GARS1: variants seen among roughly 807,000 people sequenced by gnomAD.
GARS1 encodes glycine--tRNA ligase.
In GARS1, 46 loss-of-function variants were observed where a neutral mutation model predicts 86.4. The ratio of observed to expected loss-of-function variants is 0.53; its 90% confidence interval spans 0.42 to 0.68. The LOEUF (loss-of-function observed/expected upper bound fraction) is 0.68, where lower values mean the gene tolerates loss of function less well. Among genes scored for constraint, GARS1 ranks in the 30% least tolerant of loss-of-function variants. GARS1 has a pLI of 0.00. For synonymous variants in GARS1, 342 were observed against 329.8 expected, an observed-to-expected ratio of 1.04 and a Z score of -0.40; for missense variants, 797 against 915.6, an observed-to-expected ratio of 0.87 and a Z score of 1.67.
At chr7:30,618,390 T>G (rs1425831443) in intron 10 of GARS1, among the ~76,000 whole-genome samples, 2 of 152,098 alleles carry the variant, frequency 1.3e-5, no homozygotes, top group African/African-American at 4.8e-5. Context: ...TCCTAGCACT[T>G]TGGGAGGCCG....
intron 1 of GARS1, among the ~76,000 whole-genome samples, chr7:30,597,195 T>A (rs1791270255): frequency 6.6e-6 from 1 of 152,216 alleles, no homozygotes; most frequent in South Asian, 2.1e-4. Flanking sequence ...TGATAGTATT[T>A]GGATAATCTG....
chr7:30,617,271 C>T lies in GARS1; in HGVS notation c.1352C>T (p.Thr451Ile), dbSNP rs1359618467. Residue 451 changes from threonine to isoleucine, a missense_variant, in exon 10 of 17, where the codon ACA becomes ATA. This residue lies in a region of GARS1 where 598 missense variants were observed against 738.7 expected (regional missense o/e 0.81). Transcript: ENST00000389266. ...GACTGTTGGGATGCAGAATCCAAAA[C>T]ATCCTACGTAAGTGGAGTGCTGTTT... ...ACDCWDAESK[T>I]SYGWIEIVGC... 1.2e-6 allele frequency: 2 copies of T among 1,613,810 alleles called. No homozygotes were observed. The highest frequency in any genetic ancestry group is 1.7e-5 in the Admixed American group (1 of 59,990).
chr7:30,598,017 C>G (rs1391481949), intron 1 of GARS1, among the ~76,000 whole-genome samples: 1 of 152,070 alleles, frequency 6.6e-6, no homozygotes, highest in East Asian at 1.9e-4. Flanking sequence ...AAAATTCCAA[C>G]TGTAAAGAGA....
chr7:30,602,894 A>G (rs1381003120), intron 4 of GARS1, 140 bp from the exon 5 acceptor site: 4 of 717,344 alleles, frequency 5.6e-6, no homozygotes, highest in Non-Finnish European at 1.0e-5. Flanking sequence ...CATTACTGTC[A>G]TGGATACATC....
chr7:30,601,817 C>T (rs1031446149), intron 4 of GARS1, among the ~76,000 whole-genome samples: 7 of 152,088 alleles, frequency 4.6e-5, no homozygotes, highest in African/African-American at 1.4e-4. Context: ...CTTGCTCTGT[C>T]GCCCAAGCTG....
chr7:30,627,653 A>G (rs945319746), intron 13 of GARS1, among the ~76,000 whole-genome samples: 3 of 152,164 alleles, frequency 2.0e-5, no homozygotes, highest in African/African-American at 7.2e-5. Flanking sequence ...AGCCCCTGTA[A>G]GATGTCTTTG....
chr7:30,629,791 G>A (rs1783200828), intron 14 of GARS1, among the ~76,000 whole-genome samples: 3 of 152,206 alleles, frequency 2.0e-5, no homozygotes, highest in Admixed American at 2.0e-4. Context: ...CTAGGCCCCA[G>A]GTGCGCAAAC....
At chr7:30,625,057 C>T (rs964647587) in intron 12 of GARS1, among the ~76,000 whole-genome samples, 1 of 152,166 alleles carries the variant, frequency 6.6e-6, no homozygotes, top group Admixed American at 6.5e-5. Flanking sequence ...ATTCTCCTGC[C>T]TCAGCCTCCC....
At chr7:30,624,879 C>T (rs1162440210) in intron 12 of GARS1, among the ~76,000 whole-genome samples, 2 of 152,184 alleles carry the variant, frequency 1.3e-5, no homozygotes, top group African/African-American at 4.8e-5. Context: ...AGTTAAATAT[C>T]ATTATCCATA....
chr7:30,618,620 T>A (rs1168740391), intron 10 of GARS1, among the ~76,000 whole-genome samples: 1 of 152,070 alleles, frequency 6.6e-6, no homozygotes, highest in Non-Finnish European at 1.5e-5. Flanking sequence ...GGTGACAGAG[T>A]GAGGCCCTGT....
rs1182314295 is a variant in GARS1 at position 30,631,544 on chromosome 7, A to T, written c.1903+3A>T. 5 of 1,598,626 alleles carry T rather than the reference A, an allele frequency of 3.1e-6. No homozygotes were observed. The highest frequency in any genetic ancestry group is 4.3e-6 in the Non-Finnish European group (5 of 1,166,154). On this transcript the variant is annotated splice_donor_region_variant and intron_variant, in intron 15 of 16. Coordinates refer to ENST00000389266, the MANE Select transcript of GARS1 (RefSeq NM_002047.4). Reference sequence around the variant, plus strand: ...CATGCCATTTGTCAAGGAATTATGTAAGCAAATTCAATTGGGTAAACTCCA... The same window carrying T: ...CATGCCATTTGTCAAGGAATTATGTTAGCAAATTCAATTGGGTAAACTCCA...
intron 11 of GARS1, among the ~76,000 whole-genome samples, chr7:30,621,840 G>A (rs778262538): frequency 6.6e-6 from 1 of 152,168 alleles, no homozygotes; most frequent in Non-Finnish European, 1.5e-5. Flanking sequence ...AGGGTACCTG[G>A]TGAAAGCTTT....
intron 4 of GARS1, among the ~76,000 whole-genome samples, 169 bp downstream of exon 4, chr7:30,601,369 T>C (rs540427205): frequency 6.6e-6 from 1 of 152,376 alleles, no homozygotes; most frequent in African/African-American, 2.4e-5. Flanking sequence ...TGCTCACAGA[T>C]AGCTATGTTA....
intron 1 of GARS1, 96 bp downstream of exon 1, chr7:30,595,239 C>T (rs1791221778): frequency 2.6e-6 from 3 of 1,145,298 alleles, no homozygotes; most frequent in African/African-American, 1.5e-5. Flanking sequence ...CTGTCCTCCT[C>T]TTCGGTTACC....
intron 13 of GARS1, chr7:30,627,041 A>T: frequency 2.1e-6 from 1 of 467,152 alleles, no homozygotes; most frequent in Non-Finnish European, 4.4e-6. Flanking sequence ...AAAGTTAAGA[A>T]GATGTTTTTT....
At chr7:30,614,187 A>G (rs139802498) in intron 8 of GARS1, 21 of 151,760 alleles carry the variant, frequency 1.4e-4, no homozygotes, top group African/African-American at 4.8e-4. Flanking sequence ...AATGATTACC[A>G]CAGTCAAGCT....
chr7:30,606,696 T>G (rs1190188188), intron 6 of GARS1, among the ~76,000 whole-genome samples: 1 of 152,208 alleles, frequency 6.6e-6, no homozygotes, highest in African/African-American at 2.4e-5. Context: ...CCATCTCATC[T>G]TATACATTTC....
intron 1 of GARS1, chr7:30,595,886 G>A (rs1791237072): frequency 2.1e-6 from 1 of 471,164 alleles, no homozygotes; most frequent in African/African-American, 2.0e-5. Context: ...GCGGAGTGAA[G>A]TCAGCCATCC....
At position 30,632,117 on chromosome 7, in the gene GARS1, G is replaced by C; in HGVS notation, c.1904-130G>C. ...AACTTTAGGGATATTTCTTTCTCTT[G>C]CAACTCAACTTGTTGCTTTCTTGTC... On this transcript the variant is annotated intron_variant, in intron 15 of 16. Transcript: ENST00000389266. The surrounding 1 kb of genome is among the most constrained non-coding windows in gnomAD (Gnocchi z 4.1). 1 of 846,348 alleles carries C rather than the reference G, an allele frequency of 1.2e-6. No individual in the cohort carries two copies. The highest frequency in any genetic ancestry group is 1.9e-6 in the Non-Finnish European group (1 of 517,296). The allele number at this position is 846,348 out of a possible 1,614,324, so 52.4% of individuals were successfully genotyped here.
Sources: gnomAD v4.1 joint callset for allele counts (sites outside exome capture counted in the v4.1 genomes callset) on GRCh38, gnomAD v4.1.1 for gene constraint, gnomAD v4.1.1 regional missense constraint, Gnocchi (gnomAD v3.1) non-coding constraint, MANE v1.5 for transcripts, NCBI Gene and HGNC (gene_info 2026-07-23, HGNC 2026-07-21) for gene names.